The following ADGRL2 variants were observed in gnomAD, a reference collection of about 807,000 sequenced individuals.
ADGRL2 encodes the protein calcium-independent alpha-latrotoxin receptor 2.
ADGRL2 carries 44 observed loss-of-function variants against 157.4 expected under a neutral mutation model. That is an observed-to-expected ratio of 0.28 (90% CI 0.22 to 0.36). ADGRL2 has a LOEUF of 0.36. ADGRL2 is among the 10% of genes least tolerant of loss of function. The probability of loss-of-function intolerance (pLI) is 1.00; values close to 1 mark genes in which losing one functional copy is unlikely to be tolerated. For synonymous variants in ADGRL2, 585 were observed against 624.7 expected (o/e 0.94, Z 0.95); for missense variants, 1,510 against 1,768.9 (o/e 0.85, Z 2.63).
At chr1:81,361,339 T>G (rs1395497243) in intron 1 of ADGRL2, among the ~76,000 whole-genome samples, 2 of 151,930 alleles carry the variant, frequency 1.3e-5, no homozygotes, top group Admixed American at 6.6e-5. Flanking sequence ...ATAGTCAAAC[T>G]TATCTTGATT....
At chr1:81,544,486 C>T (rs1212172860) in intron 2 of ADGRL2, among the ~76,000 whole-genome samples, 3 of 152,156 alleles carry the variant, frequency 2.0e-5, no homozygotes, top group Non-Finnish European at 4.4e-5. Context: ...AACTCGCTGC[C>T]ATCAGAGTTA....
chr1:81,783,289 A>AT lies in ADGRL2; in HGVS notation c.-101+21450dup, dbSNP rs573673307. Among the ~76,000 whole-genome samples, 323 of 145,504 alleles carry AT rather than the reference A, an allele frequency of 2.2e-3. 1 individual carries two copies. The highest frequency in any genetic ancestry group is 4.3e-3 in the African/African-American group (172 of 39,872). The stretch of plus-strand genomic sequence containing the variant: ...CAGGTGCACACCGCCATGCTGGCTA[A>AT]TTTTTTTTTTTTTGTATTTTAGTAG... On this transcript the variant is annotated intron_variant, in intron 2 of 20. Transcript: ENST00000359929.
At chr1:81,556,199 T>A (rs1407259472) in intron 2 of ADGRL2, among the ~76,000 whole-genome samples, 1 of 152,154 alleles carries the variant, frequency 6.6e-6, no homozygotes, top group African/African-American at 2.4e-5. Context: ...TGAGGTAGTT[T>A]GAAGTCTTGA....
intron 2 of ADGRL2, among the ~76,000 whole-genome samples, chr1:81,893,876 C>G (rs948799479): frequency 6.6e-6 from 1 of 152,012 alleles, no homozygotes; most frequent in Non-Finnish European, 1.5e-5. Flanking sequence ...TAATAAAAAC[C>G]TTATCATTTC....
intron 3 of ADGRL2, among the ~76,000 whole-genome samples, chr1:81,614,462 G>C (rs1427647559): frequency 2.0e-5 from 3 of 152,136 alleles, no homozygotes; most frequent in African/African-American, 7.2e-5. Context: ...AGGCTGCATG[G>C]CATTAAAATC....
chr1:81,793,687 T>C (rs1351147931), intron 2 of ADGRL2, among the ~76,000 whole-genome samples: 1 of 152,100 alleles, frequency 6.6e-6, no homozygotes, highest in Non-Finnish European at 1.5e-5. Context: ...GATTTCCTCC[T>C]GTACGGAAAT....
chr1:81,375,118 T>C (rs2076227494), intron 1 of ADGRL2, among the ~76,000 whole-genome samples: 1 of 152,142 alleles, frequency 6.6e-6, no homozygotes, highest in Non-Finnish European at 1.5e-5. Flanking sequence ...ATCCCTGTCT[T>C]CAGACAAATA....
At chr1:81,537,848 C>T (rs2079782160) in intron 2 of ADGRL2, among the ~76,000 whole-genome samples, 2 of 151,718 alleles carry the variant, frequency 1.3e-5, no homozygotes, top group African/African-American at 4.8e-5. Flanking sequence ...TACAGGTGTT[C>T]ACCACCACGC....
chr1:81,715,443 T>C (rs2149097636), intron 1 of ADGRL2, among the ~76,000 whole-genome samples: 1 of 152,310 alleles, frequency 6.6e-6, no homozygotes, highest in Admixed American at 6.5e-5. Context: ...TGTGAGATTT[T>C]TCTGTTAGTG....
rs373112507 is a variant in ADGRL2 at position 81,638,513 on chromosome 1, T to C, written c.-143+57533T>C. Among the ~76,000 whole-genome samples, 105 of 152,280 alleles carry C rather than the reference T, an allele frequency of 6.9e-4. 1 individual carries two copies. The highest frequency in any genetic ancestry group is 2.3e-3 in the African/African-American group (95 of 41,556). Reference sequence around the variant, plus strand: ...TTGTATAAGTGCGATAAATAACAGCTATAATAAAAGCAATGAGAGGGAGAA... The same window carrying C: ...TTGTATAAGTGCGATAAATAACAGCCATAATAAAAGCAATGAGAGGGAGAA... On this transcript the variant is annotated intron_variant, in intron 3 of 24. Coordinates refer to the ADGRL2 transcript ENST00000370721.
intron 17 of ADGRL2, among the ~76,000 whole-genome samples, chr1:81,977,978 T>G (rs12740573): frequency 6.6e-6 from 1 of 151,732 alleles, no homozygotes; most frequent in Non-Finnish European, 1.5e-5. Context: ...ATTTGTTTAC[T>G]TGGGTTTTTA....
At chr1:81,403,339 G>T (rs576255463) in intron 1 of ADGRL2, among the ~76,000 whole-genome samples, 1 of 151,804 alleles carries the variant, frequency 6.6e-6, no homozygotes, top group African/African-American at 2.4e-5. Context: ...ATCTCAGCTC[G>T]CTGCAACCTC....
chr1:81,961,368 A>G (rs1431157673), intron 11 of ADGRL2, among the ~76,000 whole-genome samples: 2 of 152,154 alleles, frequency 1.3e-5, no homozygotes, highest in Non-Finnish European at 2.9e-5. Context: ...CCTGATTCAT[A>G]TCATGAATGA....
In ADGRL2 at chr1:81,970,358, G is replaced by C; in HGVS notation, c.2778G>C (p.Leu926Phe). ...CAGGACTTCTACACTTTTTCTTTTT[G>C]GCAGCTTTTGCTTGGATGTGCCTAG... is the stretch of plus-strand genomic sequence containing the variant. ...IFAGLLHFFF[L>F]AAFAWMCLEG... The change falls in exon 16 of 24, where the codon TTG becomes TTC. Residue 926 changes from leucine to phenylalanine, a missense_variant. Leu to Phe is a conservative substitution (Grantham distance 22). Transcript: ENST00000686636. The C allele has an allele frequency of 6.3e-7, 1 of 1,594,880 alleles. No homozygotes were observed. The highest frequency in any genetic ancestry group is 8.5e-7 in the Non-Finnish European group (1 of 1,174,100).
intron 2 of ADGRL2, among the ~76,000 whole-genome samples, chr1:81,476,693 A>G (rs552434854): frequency 1.6e-4 from 24 of 152,216 alleles, no homozygotes; most frequent in Admixed American, 6.5e-4. Flanking sequence ...AATTTCTAGT[A>G]CATCATTAAA....
At position 81,950,381 on chromosome 1, in the gene ADGRL2, T is replaced by C. The variant is rs1263136262; in HGVS notation, c.1403T>C (p.Leu468Pro). 1.2e-6 allele frequency: 2 copies of C among 1,614,020 alleles called. No individual in the cohort carries two copies. The highest frequency in any genetic ancestry group is 1.7e-6 in the Non-Finnish European group (2 of 1,179,932). ...CCACCTATAACAAATATTTTTCCCC[T>C]GCCAGAGAGATTCTGTGAAGCATTA... ...KIPPITNIFP[L>P]PERFCEALDS... The change falls in exon 7 of 24, where the codon CTG becomes CCG. Residue 468 changes from leucine to proline, a missense_variant. Leu to Pro is a moderately conservative substitution (Grantham distance 98). This residue lies in a region of ADGRL2 where 325 missense variants were observed against 333.2 expected (regional missense o/e 0.98). Transcript: ENST00000686636.
chr1:81,592,461 A>C (rs1410997064), intron 3 of ADGRL2, among the ~76,000 whole-genome samples: 1 of 152,184 alleles, frequency 6.6e-6, no homozygotes, highest in Admixed American at 6.5e-5. Flanking sequence ...GCCAGGGACT[A>C]ACAATAATGC....
chr1:81,612,827 C>T (rs1441724193), intron 3 of ADGRL2, among the ~76,000 whole-genome samples: 1 of 152,166 alleles, frequency 6.6e-6, no homozygotes, highest in Non-Finnish European at 1.5e-5. Flanking sequence ...AACGATGCTA[C>T]TCATCAGACA....
At chr1:81,959,517 A>G (rs1252918833) in intron 11 of ADGRL2, among the ~76,000 whole-genome samples, 1 of 152,100 alleles carries the variant, frequency 6.6e-6, no homozygotes, top group Non-Finnish European at 1.5e-5. Context: ...AATTCACCTT[A>G]CTGAGCTTTA....
Sources: gnomAD v4.1 joint callset for allele counts (sites outside exome capture counted in the v4.1 genomes callset) on GRCh38, gnomAD v4.1.1 for gene constraint, gnomAD v4.1.1 regional missense constraint, MANE v1.5 for transcripts, NCBI Gene and HGNC (gene_info 2026-07-23, HGNC 2026-07-21) for gene names.